The following PRICKLE4 variants were observed in gnomAD, a reference collection of about 807,000 sequenced individuals.
PRICKLE4 encodes the protein prickle-like protein 4.
PRICKLE4 carries 40 observed loss-of-function variants against 43.5 expected under a neutral mutation model. The ratio of observed to expected loss-of-function variants is 0.92; its 90% CI spans 0.71 to 1.20. The LOEUF is 1.20. PRICKLE4 is among the 50% of genes most tolerant of loss of function. The pLI is 0.00. For missense variants in PRICKLE4, 527 were observed against 491.2 expected, an observed-to-expected ratio of 1.07 and a Z score of -0.69; for synonymous variants, 208 against 197.4, an observed-to-expected ratio of 1.05 and a Z score of -0.45.
chr6:41,784,289 C>T (rs1561895896), intron 4 of PRICKLE4, 51 bp downstream of exon 4: 1 of 1,392,092 alleles, frequency 7.2e-7, no homozygotes, highest in Non-Finnish European at 9.9e-7. Flanking sequence ...TCCCTCATCT[C>T]TTTTCTTACT....
In PRICKLE4 at chr6:41,783,490, C is replaced by A; in HGVS notation, c.17C>A (p.Ser6Tyr). Residue 6 changes from serine (S) to tyrosine (Y), a missense_variant, in exon 3 of 8, where the codon TCT becomes TAT. Ser to Tyr is a moderately radical substitution (Grantham distance 144). Transcript: ENST00000458694. The stretch of plus-strand genomic sequence containing the variant: ...TTGCCACAAATGTCAGTGCAGAACT[C>A]TGGCTGGCCCCACCAAGAAGACAGC... MSVQN[S>Y]GWPHQEDSPK... is the part of the protein sequence containing the mutation. 1 of 1,532,852 alleles carries A rather than the reference C, an allele frequency of 6.5e-7. No individual in the cohort carries two copies. The highest frequency in any genetic ancestry group is 9.0e-7 in the Non-Finnish European group (1 of 1,112,822). 95.0% of individuals were successfully genotyped at this position (1,532,852 alleles called of 1,614,324 possible).
Position 41,783,939 on chromosome 6 carries a change from A to C in PRICKLE4, c.133-192A>C, listed in dbSNP as rs868085617. On this transcript the variant is annotated intron_variant, in intron 3 of 7. Coordinates refer to ENST00000458694, the MANE Select transcript of PRICKLE4 (RefSeq NM_013397.6). ...GGGGCCTCCCCAGCCTCCCTCAAGG[A>C]AGACCACACATGCAGGCATCAGTCA... 1.5e-5 allele frequency: 10 copies of C among 683,294 alleles called. No individual in the cohort carries two copies. In the Middle Eastern group the frequency reaches 2.7e-3, roughly 184 times the overall value. The allele number at this position is 683,294 out of a possible 1,614,324, so 42.3% of individuals were successfully genotyped here.
At chr6:41,784,837 C>G in intron 4 of PRICKLE4, 98 bp from the exon 5 acceptor site, 3 of 1,496,480 alleles carry the variant, frequency 2.0e-6, no homozygotes. Context: ...GTTCTACAAC[C>G]TTTCTCTGAC....
At position 41,785,327 on chromosome 6, in the gene PRICKLE4, CCT is replaced by C. The variant is rs753627145; in HGVS notation, c.379-7_379-6del. 1.2e-6 allele frequency: 2 copies of C among 1,613,498 alleles called. No individual in the cohort carries two copies. Among genetic ancestry groups the C allele is most frequent in the Admixed American group, 3.3e-5 (2 of 59,994 alleles). ...TTACTCCGACCACCTCAGCACCTCC[CCT>C]CTGACAGTGTAGGGAGCTGCTGAAG... On this transcript the variant is annotated splice_polypyrimidine_tract_variant and splice_region_variant and intron_variant, in intron 5 of 7. Transcript: ENST00000458694.
rs1322001883 is a variant in PRICKLE4 at position 41,785,406 on chromosome 6, C to A, written c.448C>A (p.His150Asn). 6.2e-7 allele frequency: 1 copy of A among 1,614,130 alleles called. No individual in the cohort carries two copies. The highest frequency in any genetic ancestry group is 8.5e-7 in the Non-Finnish European group (1 of 1,180,036). Residue 150 changes from histidine to asparagine, a missense_variant, in exon 6 of 8, where the codon CAC becomes AAC. By Grantham distance (68) the His-to-Asn change is moderately conservative. Transcript: ENST00000458694. ...CCGGGCAGGGGAACAGCGCTGCTGG[C>A]ACCAGCCTTGCTTTGCCTGCCAGGC... ...AARAGEQRCW[H>N]QPCFACQACG...
rs769644755 is a variant in PRICKLE4 at position 41,786,150 on chromosome 6, C to G, written c.605C>G (p.Thr202Ser). The G allele has an allele frequency of 3.7e-6, 6 of 1,613,720 alleles. No individual in the cohort carries two copies. In the African/African-American group the frequency reaches 8.0e-5, roughly 22 times the overall value. Residue 202 changes from threonine (T) to serine (S), a missense_variant, in exon 7 of 8, where the codon ACC becomes AGC. Thr to Ser is a moderately conservative substitution (Grantham distance 58). Transcript: ENST00000458694. ...CAGCTGATCTTCTCCTGGCGCTGCACCGAGGCGGAGGGACAGCGCTGGCAT... is the reference window on the plus strand; with the variant it reads ...CAGCTGATCTTCTCCTGGCGCTGCAGCGAGGCGGAGGGACAGCGCTGGCAT... Reference protein sequence around the residue: ...CDQLIFSWRCTEAEGQRWHEN... With the variant: ...CDQLIFSWRCSEAEGQRWHEN...
In PRICKLE4 at chr6:41,784,106, C is replaced by T. The variant is rs771731901; in HGVS notation, c.133-25C>T. Reference sequence around the variant, plus strand: ...AGGAAAGAAAAACCTAGTTTCACTCCTCCCCTTCTTCCATGTCTCCTCAGG... The same window carrying T: ...AGGAAAGAAAAACCTAGTTTCACTCTTCCCCTTCTTCCATGTCTCCTCAGG... On this transcript the variant is annotated intron_variant, in intron 3 of 7. Coordinates refer to ENST00000458694, the MANE Select transcript of PRICKLE4 (RefSeq NM_013397.6). The T allele has an allele frequency of 3.9e-6, 6 of 1,541,812 alleles. No homozygotes were observed. In the African/African-American group the frequency reaches 8.3e-5, roughly 21 times the overall value.
chr6:41,786,398 C>A (rs760794917), intron 7 of PRICKLE4, 66 bp downstream of exon 7: 9 of 1,482,056 alleles, frequency 6.1e-6, no homozygotes, highest in South Asian at 1.3e-5. Context: ...TTCTCCCGGG[C>A]TGGGACCCTC....
At chr6:41,784,103 C>G (rs1341167525) in intron 3 of PRICKLE4, 28 bp from the exon 4 acceptor site, 8 of 1,530,444 alleles carry the variant, frequency 5.2e-6, no homozygotes, top group Non-Finnish European at 6.3e-6. Flanking sequence ...CCTAGTTTCA[C>G]TCCTCCCCTT....
rs1389400696 is a variant in PRICKLE4 at position 41,785,513 on chromosome 6, G to A, written c.555G>A (p.Leu185=). 1 of 1,613,598 alleles carries A rather than the reference G, an allele frequency of 6.2e-7. No individual in the cohort carries two copies. Among genetic ancestry groups the A allele is most frequent in the African/African-American group, 1.3e-5 (1 of 75,072 alleles). Residue 185 remains leucine, a synonymous_variant, in exon 6 of 8, where the codon CTG becomes CTA. Coordinates refer to ENST00000458694, the MANE Select transcript of PRICKLE4 (RefSeq NM_013397.6). ...LYCGRHHAEL[L]RPRCPACDQL... ...GCGGCCGTCATCATGCAGAGTTGCT[G>A]CGCCCGCGCTGCCCGGCTTGTGACC...
In PRICKLE4 at chr6:41,785,435, T is replaced by C; in HGVS notation, c.477T>C (p.Cys159=). Residue 159 remains cysteine (C), a synonymous_variant, in exon 6 of 8, where the codon TGT becomes TGC. Coordinates refer to ENST00000458694, the MANE Select transcript of PRICKLE4 (RefSeq NM_013397.6). ...AGCCTTGCTTTGCCTGCCAGGCCTG[T>C]GGCCAGGCCCTGATAAACCTCATCT... The part of the protein sequence containing the change: ...WHQPCFACQA[C]GQALINLIYF... 2 of 1,614,090 alleles carry C rather than the reference T, an allele frequency of 1.2e-6. No individual in the cohort carries two copies. The highest frequency in any genetic ancestry group is 1.7e-6 in the Non-Finnish European group (2 of 1,179,986).
Position 41,786,739 on chromosome 6 carries a change from G to A in PRICKLE4, c.788-23G>A, listed in dbSNP as rs547203589. On this transcript the variant is annotated intron_variant, in intron 7 of 7. Transcript: ENST00000458694. ...CCAGCTCCGCGGCTCTGAGACCAGC[G>A]TTTCCGACCCGGCCCGGAACAGGGG... The A allele has an allele frequency of 1.7e-5, 27 of 1,612,670 alleles. No homozygotes were observed. In the South Asian group the frequency reaches 2.7e-4, roughly 16 times the overall value.
chr6:41,787,304 C>A lies in PRICKLE4; in HGVS notation c.*175C>A. 1.0e-6 allele frequency: 1 copy of A among 962,044 alleles called. No individual in the cohort carries two copies. The highest frequency in any genetic ancestry group is 1.5e-6 in the Non-Finnish European group (1 of 674,372). The allele number at this position is 962,044 out of a possible 1,614,324, so 59.6% of individuals were successfully genotyped here. A position where few individuals can be genotyped will look rare whatever the true frequency, so the allele number is the denominator to read the frequency against. ...CCCTTCAGTACTGCGCGTTCTAAGA[C>A]TTTTGGCGGAGACTTTCTTGGCAAA... On this transcript the variant is annotated 3_prime_UTR_variant, in exon 8 of 8. Transcript: ENST00000458694.
Position 41,784,944 on chromosome 6 carries a change from T to G in PRICKLE4, c.250T>G (p.Cys84Gly). Reference protein sequence around the residue: ...LPPQDIDERYCLALGEEERAE... With the variant: ...LPPQDIDERYGLALGEEERAE... ...AGGACTGTTTCTGCAGGAGCGCTACTGCCTGGCCCTTGGGGAGGAGGAGCG... is the reference window on the plus strand; with the variant it reads ...AGGACTGTTTCTGCAGGAGCGCTACGGCCTGGCCCTTGGGGAGGAGGAGCG... The change falls in exon 5 of 8, where the codon TGC (cysteine) becomes GGC (glycine). Residue 84 changes from cysteine (C) to glycine (G), a missense_variant. Coordinates refer to ENST00000458694, the MANE Select transcript of PRICKLE4 (RefSeq NM_013397.6). 1 of 1,614,036 alleles carries G rather than the reference T, an allele frequency of 6.2e-7. No homozygotes were observed. Among genetic ancestry groups the G allele is most frequent in the Non-Finnish European group, 8.5e-7 (1 of 1,179,976 alleles).
intron 2 of PRICKLE4, among the ~76,000 whole-genome samples, chr6:41,781,756 C>G (rs982822443): frequency 6.6e-6 from 1 of 152,166 alleles, no homozygotes; most frequent in Non-Finnish European, 1.5e-5. Context: ...AGCCAGGTCC[C>G]CCTAAGGCTT....
intron 2 of PRICKLE4, among the ~76,000 whole-genome samples, chr6:41,781,732 T>C (rs1256431832): frequency 1.3e-5 from 2 of 152,150 alleles, no homozygotes; most frequent in Non-Finnish European, 2.9e-5. Context: ...TCAGAATCTA[T>C]CCCAGCTCTC....
Position 41,787,201 on chromosome 6 carries a change from C to A in PRICKLE4, c.*72C>A. 1 of 1,503,914 alleles carries A rather than the reference C, an allele frequency of 6.6e-7. No individual in the cohort carries two copies. The highest frequency in any genetic ancestry group is 2.3e-5 in the East Asian group (1 of 43,600). 93.2% of individuals were successfully genotyped at this position (1,503,914 alleles called of 1,614,324 possible). Reference sequence around the variant, plus strand: ...AAAGCGGGAGAACAAGGCTAGCCTCCCCCTAACAATCCTAGACTGAGACGC... The same window carrying A: ...AAAGCGGGAGAACAAGGCTAGCCTCACCCTAACAATCCTAGACTGAGACGC... On this transcript the variant is annotated 3_prime_UTR_variant, in exon 8 of 8. Coordinates refer to ENST00000458694, the MANE Select transcript of PRICKLE4 (RefSeq NM_013397.6).
rs1219939904 is a variant in PRICKLE4 at position 41,786,915 on chromosome 6, G to C, written c.941G>C (p.Gly314Ala). ...GSSPQQENRPGDKAEAPKGQE... is the reference protein window; with the variant it reads ...GSSPQQENRPADKAEAPKGQE... ...AGTCCCCAGCAGGAGAACCGACCTG[G>C]GGACAAAGCGGAGGCACCCAAAGGG... The change falls in exon 8 of 8, where the codon GGG becomes GCG. Residue 314 changes from glycine (G) to alanine (A), a missense_variant. Coordinates refer to ENST00000458694, the MANE Select transcript of PRICKLE4 (RefSeq NM_013397.6). 1 of 1,613,452 alleles carries C rather than the reference G, an allele frequency of 6.2e-7. No individual in the cohort carries two copies. Among genetic ancestry groups the C allele is most frequent in the South Asian group, 1.1e-5 (1 of 91,020 alleles).
At position 41,783,610 on chromosome 6, in the gene PRICKLE4, T is replaced by C; in HGVS notation, c.132+5T>C. 3 of 1,613,392 alleles carry C rather than the reference T, an allele frequency of 1.9e-6. No homozygotes were observed. Among genetic ancestry groups the C allele is most frequent in the Non-Finnish European group, 1.7e-6 (2 of 1,179,564 alleles). On this transcript the variant is annotated splice_donor_5th_base_variant and intron_variant, in intron 3 of 7. Coordinates refer to ENST00000458694, the MANE Select transcript of PRICKLE4 (RefSeq NM_013397.6). ...CCTGAGGATACCCATGCTCAGGTAG[T>C]AGAGTCGTGCCCTTCCTCTGAGACC...
Sources: gnomAD v4.1 joint callset for allele counts (sites outside exome capture counted in the v4.1 genomes callset) on GRCh38, gnomAD v4.1.1 for gene constraint, MANE v1.5 for transcripts, NCBI Gene and HGNC (gene_info 2026-07-23, HGNC 2026-07-21) for gene names.